Variants in SP140 observed in about 807,000 individuals in gnomAD.
SP140 encodes SP140 nuclear body protein, also known as nuclear body protein SP140.
In SP140, 81 loss-of-function variants were observed where a neutral mutation model predicts 125.0. The observed-to-expected ratio is 0.65, with a 90% confidence interval of 0.54 to 0.78. The LOEUF (loss-of-function observed/expected upper bound fraction) is 0.78, where lower values mean the gene tolerates loss of function less well. Ranked by LOEUF, SP140 falls within the 30% of genes least tolerant of loss-of-function variation. The pLI, the probability that SP140 is intolerant of heterozygous loss-of-function variation, is 0.00. For synonymous variants in SP140, 312 were observed against 354.0 expected (o/e 0.88, Z 1.33); for missense variants, 858 against 1,037.0 (o/e 0.83, Z 2.37).
upstream of SP140, chr2:230,225,530 C>T: frequency 2.3e-6 from 1 of 429,886 alleles, no homozygotes; most frequent in Non-Finnish European, 4.4e-6. Context: ...ATGATGCCAC[C>T]TTACCTCAAA....
At chr2:230,261,265 G>A (rs55947860) in intron 12 of SP140, among the ~76,000 whole-genome samples, 13,872 of 152,028 alleles carry the variant, frequency 0.091, 893 homozygotes, top group South Asian at 0.19. Context: ...GTCACTGTTG[G>A]TATATAGAAA....
At chr2:230,307,955 G>GTGTATATATATATATA (rs1365576659) in intron 22 of SP140, among the ~76,000 whole-genome samples, 1 of 48,408 alleles carries the variant, frequency 2.1e-5, no homozygotes, top group Non-Finnish European at 5.0e-5. Flanking sequence ...GGACATGCAT[G>GTGTATATATATATATA]TATATATATA....
intron 12 of SP140, among the ~76,000 whole-genome samples, chr2:230,266,651 A>G (rs957044633): frequency 6.6e-6 from 1 of 152,194 alleles, no homozygotes; most frequent in Non-Finnish European, 1.5e-5. Context: ...GAATCTTGCA[A>G]TCGAGCTCAC....
rs76273869 is a variant in SP140, at chr2:230,206,863, G to A, written c.-323+3584G>A. Among the ~76,000 whole-genome samples, 1,345 of 151,872 alleles carry A rather than the reference G, an allele frequency of 8.9e-3. 13 individuals carry two copies. Among genetic ancestry groups the A allele is most frequent in the African/African-American group, 0.031 (1,272 of 41,426 alleles). On this transcript the variant is annotated intron_variant, in intron 1 of 4. Transcript: ENST00000456542. ...TCTAGTTAATTACTCTGATCTAGAG[G>A]GAGAATAGAACCTCTCTTATCTCCT...
chr2:230,290,389 G>A (rs1457762027), intron 18 of SP140, 71 bp from the exon 19 acceptor site: 3 of 1,363,996 alleles, frequency 2.2e-6, no homozygotes, highest in African/African-American at 2.9e-5. Context: ...GTCTTTATAG[G>A]AATTACCTCA....
At chr2:230,193,589 G>A in the SP140 span, among the ~76,000 whole-genome samples, 18 of 152,294 alleles carry the variant, frequency 1.2e-4, no homozygotes, top group East Asian at 1.9e-3. Flanking sequence ...GTCTAAAAAT[G>A]ACTTTATTTC....
intron 3 of SP140, among the ~76,000 whole-genome samples, chr2:230,219,288 T>C (rs1440472062): frequency 6.6e-6 from 1 of 152,178 alleles, no homozygotes; most frequent in African/African-American, 2.4e-5. Flanking sequence ...AACATATTTG[T>C]CTATCAAATT....
chr2:230,294,202 G>T, intron 20 of SP140, 69 bp from the exon 21 acceptor site: 3 of 1,288,288 alleles, frequency 2.3e-6, no homozygotes, highest in Middle Eastern at 1.8e-4. Flanking sequence ...TTGGGAGGAG[G>T]TTGGAAATGC....
At chr2:230,292,556 T>C (rs7602027) in intron 19 of SP140, 90 bp from the exon 20 acceptor site, 233,410 of 1,521,136 alleles carry the variant, frequency 0.15, 18,730 homozygotes, top group East Asian at 0.28. Flanking sequence ...CATCACAAAT[T>C]GGGTGGCTCT....
chr2:230,314,591 C>T (rs2059470241), downstream of SP140, among the ~76,000 whole-genome samples: 2 of 152,176 alleles, frequency 1.3e-5, no homozygotes, highest in African/African-American at 4.8e-5. Context: ...AGCCATGGTA[C>T]ACATTAAATC....
At chr2:230,264,707 C>T (rs924058784) in intron 12 of SP140, among the ~76,000 whole-genome samples, 5 of 152,164 alleles carry the variant, frequency 3.3e-5, no homozygotes, top group African/African-American at 1.2e-4. Context: ...ATGGATGTGG[C>T]TTCCTGTGAG....
intron 18 of SP140, among the ~76,000 whole-genome samples, chr2:230,289,551 T>G (rs1379741562): frequency 6.6e-6 from 1 of 152,172 alleles, no homozygotes; most frequent in Non-Finnish European, 1.5e-5. Context: ...GTGATCTCAC[T>G]GCAGACTCCA....
chr2:230,270,694 C>T, intron 15 of SP140, 55 bp downstream of exon 15: 1 of 1,446,982 alleles, frequency 6.9e-7, no homozygotes, highest in Non-Finnish European at 9.7e-7. Context: ...GTTTTTAATG[C>T]CAGAGTTTTA....
At chr2:230,244,963 A>G in intron 5 of SP140, 25 bp from the exon 6 acceptor site, 1 of 1,557,134 alleles carries the variant, frequency 6.4e-7, no homozygotes. Context: ...CTGTGCTCTC[A>G]TCACTGTGCC....
chr2:230,225,769 T>C lies in SP140; in HGVS notation c.-76T>C, dbSNP rs2149002610. ...CTTTGACTGAGCACCGAGGGGCAGT[T>C]GGCAGCTTCACCTCAGAGCTGCAGG... On this transcript the variant is annotated 5_prime_UTR_variant, in exon 1 of 27. Coordinates refer to ENST00000392045, the MANE Select transcript of SP140 (RefSeq NM_007237.5). The C allele has an allele frequency of 8.1e-7, 1 of 1,236,390 alleles. No individual in the cohort carries two copies. Among genetic ancestry groups the C allele is most frequent in the East Asian group, 2.3e-5 (1 of 43,154 alleles). 76.6% of individuals were successfully genotyped at this position (1,236,390 alleles called of 1,614,324 possible).
intron 3 of SP140, among the ~76,000 whole-genome samples, chr2:230,240,782 A>C (rs192524765): frequency 1.3e-5 from 2 of 152,308 alleles, no homozygotes; most frequent in East Asian, 3.9e-4. Flanking sequence ...CTAACCTATG[A>C]TCTTGGCAGT....
Position 230,288,493 on chromosome 2 carries a change from CTTTCTTTCTTTCTTTCTTTCTTTCT to C in SP140, c.1720+530_1720+554del, listed in dbSNP as rs1343019060. ...TCTTTCTTTCTTTCTTTCTTTCTTT[CTTTCTTTCTTTCTTTCTTTCTTTCT>C]TTCTTTTTTTATTCTTTAAGTTCTG... On this transcript the variant is annotated intron_variant, in intron 18 of 26. Coordinates refer to ENST00000392045, the MANE Select transcript of SP140 (RefSeq NM_007237.5). 3.5e-4 allele frequency among the ~76,000 whole-genome samples: 41 copies of C among 117,774 alleles called. 1 individual carries two copies. The South Asian group carries it at 0.013, about 39-fold the overall frequency. 77.3% of individuals were successfully genotyped at this position (117,774 alleles called of 152,430 possible).
intron 3 of SP140, among the ~76,000 whole-genome samples, chr2:230,217,208 T>TG (rs1352538699): frequency 1.5e-5 from 2 of 131,558 alleles, no homozygotes; most frequent in African/African-American, 3.0e-5. Flanking sequence ...ATTGTGCCAC[T>TG]GCACTCCAGC....
At chr2:230,214,358 A>C (rs2044854190) in intron 3 of SP140, among the ~76,000 whole-genome samples, 1 of 152,008 alleles carries the variant, frequency 6.6e-6, no homozygotes, top group African/African-American at 2.4e-5. Flanking sequence ...TGTCCGGACT[A>C]GTGGTTAAAA....
Sources: allele counts gnomAD v4.1 joint callset (sites outside exome capture counted in the v4.1 genomes callset), GRCh38; gene constraint gnomAD v4.1.1; transcripts MANE v1.5; gene names NCBI Gene and HGNC (gene_info 2026-07-23, HGNC 2026-07-21).